ZNF516: variants seen among roughly 807,000 people sequenced by gnomAD.
ZNF516 encodes the protein zinc finger protein 516.
A neutral mutation model predicts 79.7 loss-of-function variants in ZNF516; 19 were observed. The ratio of observed to expected loss-of-function variants is 0.24; its 90% CI spans 0.17 to 0.35. The LOEUF (loss-of-function observed/expected upper bound fraction) is 0.35. ZNF516 is among the 10% of genes least tolerant of loss of function. The pLI is 1.00. For missense variants in ZNF516, 1,678 were observed against 1,679.5 expected, an observed-to-expected ratio of 1.00 and a Z score of 0.02; for synonymous variants, 877 against 739.5, an observed-to-expected ratio of 1.19 and a Z score of -3.02.
At position 76,413,015 on chromosome 18, in the gene ZNF516, A is replaced by C. The variant is rs1051643593; in HGVS notation, c.1810+28230T>G. On this transcript the variant is annotated intron_variant, in intron 3 of 6. Coordinates refer to ENST00000443185, the MANE Select transcript of ZNF516 (RefSeq NM_014643.4). ...CTCAGAGGCCCACTTCTCCTTAGACATGAGACACTGCACCTGCCAAGGTAA... is the reference window on the plus strand; with the variant it reads ...CTCAGAGGCCCACTTCTCCTTAGACCTGAGACACTGCACCTGCCAAGGTAA... Among the ~76,000 whole-genome samples the C allele has an allele frequency of 2.0e-5, 3 of 152,232 alleles. No individual in the cohort carries two copies. The East Asian group carries it at 5.8e-4, about 29-fold the overall frequency.
chr18:76,426,628 C>T (rs2075596051), intron 3 of ZNF516, among the ~76,000 whole-genome samples: 2 of 151,886 alleles, frequency 1.3e-5, no homozygotes, highest in African/African-American at 4.8e-5. Context: ...ACTTCTAAAA[C>T]AAACACATTA....
intron 2 of ZNF516, among the ~76,000 whole-genome samples, chr18:76,450,302 T>C (rs111360214): frequency 2.9e-4 from 44 of 152,106 alleles, no homozygotes; most frequent in African/African-American, 1.1e-3. Flanking sequence ...AAAGCAGCTC[T>C]GAGGGACCTG....
intron 1 of ZNF516, among the ~76,000 whole-genome samples, chr18:76,480,068 T>TA (rs1742616236): frequency 7.5e-6 from 1 of 132,682 alleles, no homozygotes; most frequent in African/African-American, 3.0e-5. Flanking sequence ...CCCCTAGAGC[T>TA]ATGCCATCCT....
intron 4 of ZNF516, among the ~76,000 whole-genome samples, chr18:76,376,250 G>C (rs1028217719): frequency 2.0e-5 from 3 of 152,190 alleles, no homozygotes; most frequent in Non-Finnish European, 4.4e-5. Context: ...GCACTTCTCA[G>C]GTGCACTGAC....
intron 1 of ZNF516, among the ~76,000 whole-genome samples, chr18:76,466,870 G>C (rs1471247397): frequency 6.6e-6 from 1 of 152,256 alleles, no homozygotes; most frequent in Non-Finnish European, 1.5e-5. Flanking sequence ...AGGACCTGGA[G>C]TCTATGGTGG....
rs997540472 is a variant in ZNF516, at chr18:76,493,947, C to G, written c.-272+1197G>C. 1 of 152,206 alleles carries G rather than the reference C, an allele frequency of 6.6e-6. No homozygotes were observed. The highest frequency in any genetic ancestry group is 1.5e-5 in the Non-Finnish European group (1 of 68,040). 9.4% of individuals were successfully genotyped at this position (152,206 alleles called of 1,614,324 possible). On this transcript the variant is annotated intron_variant, in intron 1 of 6. Coordinates refer to ENST00000443185, the MANE Select transcript of ZNF516 (RefSeq NM_014643.4). The surrounding 1 kb of genome is among the most constrained non-coding windows in gnomAD (Gnocchi z 5.2). ...GGCTGCGCAAGTTGATCTTTGCACA[C>G]CCGGAGACCCGGTGACTCTTTATCA... is the stretch of plus-strand genomic sequence containing the variant.
intron 1 of ZNF516, among the ~76,000 whole-genome samples, chr18:76,464,397 T>C (rs1455791354): frequency 6.6e-6 from 1 of 152,132 alleles, no homozygotes; most frequent in African/African-American, 2.4e-5. Context: ...GACTCACACA[T>C]AGCTTGGCAT....
In ZNF516 at chr18:76,443,158, G is replaced by A; in HGVS notation, c.-104C>T. 2 of 1,442,608 alleles carry A rather than the reference G, an allele frequency of 1.4e-6. No homozygotes were observed. The highest frequency in any genetic ancestry group is 1.4e-5 in the South Asian group (1 of 69,674). The allele number at this position is 1,442,608 out of a possible 1,614,324, so 89.4% of individuals were successfully genotyped here. On this transcript the variant is annotated 5_prime_UTR_variant, in exon 3 of 7. Transcript: ENST00000443185. ...GTCAGAAGAGCCAAAAGACGTGCCT[G>A]CTCCCAGGAGGTGCACCTTCTACAT...
At chr18:76,396,811 G>C (rs1410273017) in intron 3 of ZNF516, among the ~76,000 whole-genome samples, 1 of 152,208 alleles carries the variant, frequency 6.6e-6, no homozygotes, top group Non-Finnish European at 1.5e-5. Context: ...TGAGAGGCCG[G>C]AGCACCGCTG....
intron 1 of ZNF516, among the ~76,000 whole-genome samples, chr18:76,468,143 G>A (rs193177208): frequency 1.3e-5 from 2 of 152,312 alleles, no homozygotes; most frequent in Admixed American, 6.5e-5. Flanking sequence ...CAGAAATAGA[G>A]AACTTCTGCT....
intron 1 of ZNF516, chr18:76,492,314 C>T (rs1185347124): frequency 1.0e-6 from 1 of 985,350 alleles, no homozygotes; most frequent in Admixed American, 6.1e-5. Context: ...ACCGATATTC[C>T]TGAGAAAGTC....
chr18:76,456,416 C>T (rs1399708375), intron 2 of ZNF516, among the ~76,000 whole-genome samples: 1 of 152,232 alleles, frequency 6.6e-6, no homozygotes, highest in Non-Finnish European at 1.5e-5. Flanking sequence ...GACTGTCATC[C>T]ACTTAGCTGG....
At chr18:76,482,407 A>G (rs1157610265) in intron 1 of ZNF516, among the ~76,000 whole-genome samples, 3 of 152,248 alleles carry the variant, frequency 2.0e-5, no homozygotes, top group African/African-American at 7.2e-5. Flanking sequence ...AGGAAGCCAC[A>G]GGCAGTCAGC....
At chr18:76,423,882 GT>G (rs2075548788) in intron 3 of ZNF516, among the ~76,000 whole-genome samples, 1 of 140,172 alleles carries the variant, frequency 7.1e-6, no homozygotes. Flanking sequence ...AGGTGAAAAG[GT>G]TCCCCCGAAA....
intron 3 of ZNF516, among the ~76,000 whole-genome samples, chr18:76,430,841 A>G (rs2075652031): frequency 6.6e-6 from 1 of 152,224 alleles, no homozygotes; most frequent in South Asian, 2.1e-4. Flanking sequence ...GTTCGCCCAA[A>G]TGTCTTACTA....
intron 3 of ZNF516, among the ~76,000 whole-genome samples, chr18:76,381,855 G>T (rs964097466): frequency 6.6e-6 from 1 of 152,262 alleles, no homozygotes; most frequent in African/African-American, 2.4e-5. Context: ...GTCAAGGCTG[G>T]ACACAGTGGC....
intron 2 of ZNF516, among the ~76,000 whole-genome samples, chr18:76,450,252 A>G (rs1295347232): frequency 6.6e-6 from 1 of 151,828 alleles, no homozygotes; most frequent in African/African-American, 2.4e-5. Flanking sequence ...CTAAAAGTTA[A>G]AAAAATAAAT....
intron 3 of ZNF516, among the ~76,000 whole-genome samples, chr18:76,401,185 G>A (rs1359914623): frequency 3.3e-5 from 5 of 150,714 alleles, no homozygotes; most frequent in African/African-American, 1.2e-4. Context: ...ACTAAAAAAA[G>A]AAATTTGCAA....
intron 1 of ZNF516, among the ~76,000 whole-genome samples, chr18:76,470,556 C>G (rs1393466285): frequency 1.3e-5 from 2 of 152,220 alleles, no homozygotes; most frequent in Non-Finnish European, 2.9e-5. Flanking sequence ...CTTCTGTGCT[C>G]TCTGGTTTAT....
Sources: allele counts gnomAD v4.1 joint callset (sites outside exome capture counted in the v4.1 genomes callset), GRCh38; gene constraint gnomAD v4.1.1; non-coding constraint Gnocchi (gnomAD v3.1); transcripts MANE v1.5; gene names NCBI Gene and HGNC (gene_info 2026-07-23, HGNC 2026-07-21).